ADIPOR2: variants seen among roughly 807,000 people sequenced by gnomAD.
The protein encoded by ADIPOR2 is adiponectin receptor 2, also known as adiponectin receptor protein 2.
ADIPOR2 carries 18 observed loss-of-function variants against 40.9 expected under a neutral mutation model. That is an observed-to-expected ratio of 0.44 (90% CI 0.30 to 0.65). ADIPOR2 has a LOEUF of 0.65. Ranked by LOEUF, ADIPOR2 falls within the 30% of genes least tolerant of loss-of-function variation. ADIPOR2 has a pLI of 0.09. For synonymous variants in ADIPOR2, 165 were observed against 166.4 expected (o/e 0.99, Z 0.06); for missense variants, 283 against 479.2 (o/e 0.59, Z 3.82).
At chr12:1,695,793 G>C (rs190665367) in intron 1 of ADIPOR2, 2 of 151,710 alleles carry the variant, frequency 1.3e-5, no homozygotes, top group African/African-American at 4.8e-5. Flanking sequence ...TCAGATTAAT[G>C]ACAATTTATT....
intron 1 of ADIPOR2, among the ~76,000 whole-genome samples, chr12:1,710,483 A>G (rs568931284): frequency 7.9e-5 from 12 of 151,886 alleles, no homozygotes; most frequent in East Asian, 3.9e-4. Flanking sequence ...ATTCTGTCCT[A>G]TTTTTCCTTA....
At chr12:1,767,040 C>A (rs1054646310) in intron 2 of ADIPOR2, among the ~76,000 whole-genome samples, 3 of 152,008 alleles carry the variant, frequency 2.0e-5, no homozygotes, top group Non-Finnish European at 2.9e-5. Flanking sequence ...GAAGCTGAGG[C>A]GGGTGGATCA....
At chr12:1,710,439 C>A (rs1276975266) in intron 1 of ADIPOR2, among the ~76,000 whole-genome samples, 1 of 152,052 alleles carries the variant, frequency 6.6e-6, no homozygotes, top group African/African-American at 2.4e-5. Flanking sequence ...ATCTTGGTGA[C>A]CCAGACGGGA....
intron 1 of ADIPOR2, among the ~76,000 whole-genome samples, chr12:1,736,915 T>A (rs2094732099): frequency 6.6e-6 from 1 of 152,138 alleles, no homozygotes; most frequent in South Asian, 2.1e-4. Flanking sequence ...CCATATAGTT[T>A]GTTTTTGATT....
intron 1 of ADIPOR2, among the ~76,000 whole-genome samples, chr12:1,729,346 A>T (rs185571311): frequency 6.6e-6 from 1 of 152,084 alleles, no homozygotes; most frequent in Non-Finnish European, 1.5e-5. Context: ...TAAAGAATAT[A>T]GTTTAAAAAT....
At chr12:1,723,463 G>GAA (rs58233234) in intron 1 of ADIPOR2, among the ~76,000 whole-genome samples, 241 of 106,142 alleles carry the variant, frequency 2.3e-3, no homozygotes, top group African/African-American at 9.0e-3. Flanking sequence ...CGTCTCTACT[G>GAA]AAAAAAAAAA....
In ADIPOR2 at chr12:1,780,906, T is replaced by A; in HGVS notation, c.668T>A (p.Ile223Asn). 1 of 1,611,290 alleles carries A rather than the reference T, an allele frequency of 6.2e-7. No individual in the cohort carries two copies. ...RLFSKLDYSG[I>N]ALLIMGSFVP... ...TGTCATAGACTGGATTACTCTGGTATTGCTCTTCTGATTATGGGAAGTTTT... is the reference window on the plus strand; with the variant it reads ...TGTCATAGACTGGATTACTCTGGTAATGCTCTTCTGATTATGGGAAGTTTT... Residue 223 changes from isoleucine to asparagine, a missense_variant, in exon 6 of 8, where the codon ATT becomes AAT. Coordinates refer to ENST00000357103, the MANE Select transcript of ADIPOR2 (RefSeq NM_024551.3).
Position 1,787,468 on chromosome 12 carries a change from G to A in ADIPOR2, c.*1396G>A, listed in dbSNP as rs1408740194. ...GTGGTGTGGCATTTTAAATACAATG[G>A]TATGTTATTGCCAGGGAGTGAGGTA... On this transcript the variant is annotated 3_prime_UTR_variant, in exon 8 of 8. Transcript: ENST00000357103. The A allele has an allele frequency of 6.6e-6, 1 of 152,222 alleles. No homozygotes were observed. The allele number at this position is 152,222 out of a possible 1,614,324, so 9.4% of individuals were successfully genotyped here. A position where few individuals can be genotyped will look rare whatever the true frequency, so the allele number is the denominator to read the frequency against.
intron 3 of ADIPOR2, among the ~76,000 whole-genome samples, chr12:1,775,236 A>G (rs1010846267): frequency 7.9e-5 from 12 of 152,356 alleles, no homozygotes; most frequent in African/African-American, 2.2e-4. Flanking sequence ...GTCTTTGTCA[A>G]GCTTATAAAT....
intron 1 of ADIPOR2, among the ~76,000 whole-genome samples, chr12:1,712,798 T>G (rs2094680202): frequency 6.6e-6 from 1 of 152,114 alleles, no homozygotes; most frequent in Admixed American, 6.5e-5. Context: ...TTTTAATGTC[T>G]TAGGGCGAGG....
At chr12:1,708,044 A>G (rs1051162707) in intron 1 of ADIPOR2, among the ~76,000 whole-genome samples, 13 of 152,210 alleles carry the variant, frequency 8.5e-5, no homozygotes, top group African/African-American at 3.1e-4. Context: ...TTGGTAAAAA[A>G]ATAACAATAT....
chr12:1,721,347 C>G (rs1404810793), intron 1 of ADIPOR2, among the ~76,000 whole-genome samples: 2 of 148,846 alleles, frequency 1.3e-5, no homozygotes, highest in African/African-American at 4.9e-5. Flanking sequence ...TCCTGAGTAG[C>G]TGGGATTACA....
intron 6 of ADIPOR2, 58 bp from the exon 7 acceptor site, chr12:1,783,822 G>T: frequency 1.4e-6 from 2 of 1,416,022 alleles, no homozygotes; most frequent in South Asian, 1.4e-5. Flanking sequence ...CTGTAATACT[G>T]ACTTCTGGCT....
At chr12:1,781,158 C>A in intron 6 of ADIPOR2, 82 bp downstream of exon 6, 3 of 1,375,584 alleles carry the variant, frequency 2.2e-6, no homozygotes, top group South Asian at 1.5e-5. Context: ...CTACCATTTG[C>A]CAAACATTAT....
rs1862707037 is a variant in ADIPOR2 at position 1,781,023 on chromosome 12, T to C, written c.785T>C (p.Ile262Thr). 3 of 1,613,522 alleles carry C rather than the reference T, an allele frequency of 1.9e-6. No individual in the cohort carries two copies. The highest frequency in any genetic ancestry group is 2.5e-6 in the Non-Finnish European group (3 of 1,179,836). ...VICVLGIAAIIVSQWDMFATP... is the reference protein window; with the variant it reads ...VICVLGIAAITVSQWDMFATP... ...TGTGTGCTGGGCATTGCAGCCATTA[T>C]AGTCTCCCAGTGGGACATGTTTGCC... Residue 262 changes from isoleucine to threonine, a missense_variant, in exon 6 of 8, where the codon ATA (isoleucine) becomes ACA (threonine). Physicochemically the swap from Ile to Thr is moderately conservative, Grantham distance 89. Transcript: ENST00000357103.
At chr12:1,766,226 AG>A (rs1862377583) in intron 2 of ADIPOR2, among the ~76,000 whole-genome samples, 1 of 147,770 alleles carries the variant, frequency 6.8e-6, no homozygotes, top group Non-Finnish European at 1.5e-5. Context: ...AGGGAACAGC[AG>A]ATGTGAAGAT....
chr12:1,786,257 C>T lies in ADIPOR2; in HGVS notation c.*185C>T. 1 of 675,020 alleles carries T rather than the reference C, an allele frequency of 1.5e-6. No homozygotes were observed. The highest frequency in any genetic ancestry group is 2.6e-5 in the South Asian group (1 of 39,070). The allele number at this position is 675,020 out of a possible 1,614,324, so 41.8% of individuals were successfully genotyped here. On this transcript the variant is annotated 3_prime_UTR_variant, in exon 8 of 8. Coordinates refer to ENST00000357103, the MANE Select transcript of ADIPOR2 (RefSeq NM_024551.3). The stretch of plus-strand genomic sequence containing the variant: ...AAGAGAAAAACAAAAATAAATCATA[C>T]CTCAAAGGATGGAGTGCATCAATTG...
chr12:1,766,958 G>A (rs930750817), intron 2 of ADIPOR2, among the ~76,000 whole-genome samples: 1 of 152,130 alleles, frequency 6.6e-6, no homozygotes, highest in African/African-American at 2.4e-5. Context: ...TCATGGAGAA[G>A]CCTGCTTAAG....
At chr12:1,729,800 A>G (rs774661474) in intron 1 of ADIPOR2, among the ~76,000 whole-genome samples, 3 of 152,038 alleles carry the variant, frequency 2.0e-5, no homozygotes, top group African/African-American at 4.8e-5. Flanking sequence ...GAGAAATGTC[A>G]TTTATGTAAT....
Sources: allele counts gnomAD v4.1 joint callset (sites outside exome capture counted in the v4.1 genomes callset), GRCh38; gene constraint gnomAD v4.1.1; transcripts MANE v1.5; gene names NCBI Gene and HGNC (gene_info 2026-07-23, HGNC 2026-07-21).